The following PGBD5 variants were observed in gnomAD, a reference collection of about 807,000 sequenced individuals.
The protein encoded by PGBD5 is piggyBac transposable element derived 5.
In PGBD5, 14 loss-of-function variants were observed where a neutral mutation model predicts 47.9. The observed-to-expected ratio is 0.29, with a 90% CI of 0.19 to 0.46. The LOEUF is 0.46. PGBD5 is among the 20% of genes least tolerant of loss of function. The pLI is 1.00. For missense variants in PGBD5, 635 were observed against 716.0 expected, an observed-to-expected ratio of 0.89 and a Z score of 1.29; for synonymous variants, 316 against 306.3, an observed-to-expected ratio of 1.03 and a Z score of -0.33.
At chr1:230,394,681 C>T (rs1045778825) in intron 1 of PGBD5, among the ~76,000 whole-genome samples, 2 of 140,266 alleles carry the variant, frequency 1.4e-5, no homozygotes, top group South Asian at 2.4e-4. Context: ...CTCATTCCCA[C>T]CTTCCTCCCT....
chr1:230,367,920 A>C (rs1389151494), intron 1 of PGBD5: 1 of 1,350,544 alleles, frequency 7.4e-7, no homozygotes, highest in South Asian at 1.2e-5. Flanking sequence ...CTCGGGGAAG[A>C]GAACTTGCTC....
intron 1 of PGBD5, among the ~76,000 whole-genome samples, chr1:230,371,983 A>T (rs1376971713): frequency 6.6e-6 from 1 of 152,186 alleles, no homozygotes; most frequent in Non-Finnish European, 1.5e-5. Flanking sequence ...GGGGATGGGA[A>T]TATAAAAGGT....
chr1:230,327,678 C>T (rs1171367669), intron 5 of PGBD5, among the ~76,000 whole-genome samples: 2 of 152,222 alleles, frequency 1.3e-5, no homozygotes, highest in Admixed American at 6.5e-5. Flanking sequence ...GTTCTGCTGT[C>T]GGGAGCCTGC....
chr1:230,348,797 G>A (rs1246003349), intron 3 of PGBD5, among the ~76,000 whole-genome samples: 1 of 119,544 alleles, frequency 8.4e-6, no homozygotes, highest in Non-Finnish European at 1.8e-5. Flanking sequence ...GAGGGACTGC[G>A]GGGGCTGAGA....
intron 1 of PGBD5, among the ~76,000 whole-genome samples, chr1:230,383,367 ATTTTT>A (rs113475166): frequency 6.1e-5 from 9 of 148,730 alleles, no homozygotes. Flanking sequence ...CATGCCCAGC[ATTTTT>A]TTTTTAATTT....
chr1:230,356,887 G>A lies in PGBD5; in HGVS notation c.759+7C>T, dbSNP rs1210478386. On this transcript the variant is annotated splice_region_variant and intron_variant, in intron 2 of 6. Transcript: ENST00000391860. ...GGACAAGCTCTTACGTCCTGCGTGG[G>A]CCTCACCTGGGTTTGGGAAGGCCTG... 9.3e-6 allele frequency: 15 copies of A among 1,611,126 alleles called. No homozygotes were observed. The highest frequency in any genetic ancestry group is 1.3e-5 in the Non-Finnish European group (15 of 1,177,910).
chr1:230,403,543 G>A (rs953215296), intron 1 of PGBD5, among the ~76,000 whole-genome samples: 8 of 152,210 alleles, frequency 5.3e-5, no homozygotes, highest in Non-Finnish European at 8.8e-5. Context: ...TAGAGCCAAA[G>A]GCCTCAGGGG....
Position 230,321,632 on chromosome 1 carries a change from G to A in PGBD5, c.*1793C>T, listed in dbSNP as rs1448811513. 1.3e-5 allele frequency: 2 copies of A among 152,508 alleles called. No homozygotes were observed. The highest frequency in any genetic ancestry group is 4.1e-4 in the South Asian group (2 of 4,820). 9.4% of individuals were successfully genotyped at this position (152,508 alleles called of 1,614,324 possible). ...TCCCTGACCTTTTAAACGAATTCACGTATTAACGGAGAATCAACATCTAAA... is the reference window on the plus strand; with the variant it reads ...TCCCTGACCTTTTAAACGAATTCACATATTAACGGAGAATCAACATCTAAA... On this transcript the variant is annotated 3_prime_UTR_variant, in exon 7 of 7. Coordinates refer to ENST00000391860, the MANE Select transcript of PGBD5 (RefSeq NM_001258311.2).
rs560836653 is a variant in PGBD5 at position 230,344,177 on chromosome 1, C to T, written c.894+6781G>A. Among the ~76,000 whole-genome samples, 32 of 150,374 alleles carry T rather than the reference C, an allele frequency of 2.1e-4. No homozygotes were observed. The South Asian group carries it at 3.9e-3, about 19-fold the overall frequency. ...GCGGGCACCTGTAGTCCCAGCTACT[C>T]GGGAGGCTGAGGCAGGAGAATGGTG... On this transcript the variant is annotated intron_variant, in intron 3 of 6. Transcript: ENST00000391860.
intron 1 of PGBD5, among the ~76,000 whole-genome samples, chr1:230,388,811 T>G (rs911488159): frequency 9.2e-5 from 14 of 152,084 alleles, no homozygotes; most frequent in African/African-American, 2.4e-4. Flanking sequence ...CCTCTCAGGG[T>G]GGCCATGACC....
chr1:230,406,327 A>G (rs977646250), intron 1 of PGBD5, among the ~76,000 whole-genome samples: 1 of 151,528 alleles, frequency 6.6e-6, no homozygotes, highest in Non-Finnish European at 1.5e-5. Flanking sequence ...AAAAAAAAAA[A>G]AAAAAAAGAA....
chr1:230,319,480 G>A lies in PGBD5; in HGVS notation c.*3945C>T, dbSNP rs1475415544. On this transcript the variant is annotated 3_prime_UTR_variant, in exon 7 of 7. Coordinates refer to ENST00000391860, the MANE Select transcript of PGBD5 (RefSeq NM_001258311.2). ...GAGGAGAATGTGTGAGGCTTGCGTA[G>A]TTGCAAGGCCCCATGGCCCTCCCGG... 1 of 152,100 alleles carries A rather than the reference G, an allele frequency of 6.6e-6. No individual in the cohort carries two copies. The highest frequency in any genetic ancestry group is 1.5e-5 in the Non-Finnish European group (1 of 68,026). The allele number at this position is 152,100 out of a possible 1,614,324, so 9.4% of individuals were successfully genotyped here. A position where few individuals can be genotyped will look rare whatever the true frequency, so the allele number is the denominator to read the frequency against.
intron 1 of PGBD5, among the ~76,000 whole-genome samples, chr1:230,369,161 T>A (rs568562494): frequency 9.0e-4 from 137 of 152,340 alleles, no homozygotes; most frequent in Non-Finnish European, 1.6e-3. Context: ...TGAAAATGTA[T>A]GTGTCACATC....
rs1667058210 is a variant in PGBD5 at position 230,322,960 on chromosome 1, C to G, written c.*465G>C. On this transcript the variant is annotated 3_prime_UTR_variant, in exon 7 of 7. Transcript: ENST00000391860. This position sits in a 1 kb window ranked among gnomAD's most constrained non-coding sequence, Gnocchi z 5.9. ...ATGCTGGAAAACCCTCCGGCCTCCC[C>G]TGACACCTGAGCCATTGTAACCATG... The G allele has an allele frequency of 6.2e-6, 1 of 162,424 alleles. No individual in the cohort carries two copies. The allele number at this position is 162,424 out of a possible 1,614,324, so 10.1% of individuals were successfully genotyped here.
At chr1:230,386,585 G>A (rs544464247) in intron 1 of PGBD5, among the ~76,000 whole-genome samples, 89 of 152,302 alleles carry the variant, frequency 5.8e-4, no homozygotes, top group African/African-American at 2.1e-3. Flanking sequence ...TTGACAGTTT[G>A]ATAGAAATAA....
At chr1:230,384,456 G>A (rs1656587797) in intron 1 of PGBD5, among the ~76,000 whole-genome samples, 1 of 152,158 alleles carries the variant, frequency 6.6e-6, no homozygotes, top group African/African-American at 2.4e-5. Flanking sequence ...GGCATGTGAA[G>A]CTGAACGAGG....
At chr1:230,334,606 G>GC (rs781681972) in intron 4 of PGBD5, among the ~76,000 whole-genome samples, 1 of 55,800 alleles carries the variant, frequency 1.8e-5, no homozygotes, top group Non-Finnish European at 5.4e-5. Flanking sequence ...CCCCCAGGGT[G>GC]GGGGGACAGT....
intron 4 of PGBD5, among the ~76,000 whole-genome samples, chr1:230,334,463 C>G (rs1367229143): frequency 6.6e-6 from 1 of 152,246 alleles, no homozygotes; most frequent in Non-Finnish European, 1.5e-5. Flanking sequence ...TTCCATGAAT[C>G]TATCCCTTTA....
intron 5 of PGBD5, among the ~76,000 whole-genome samples, chr1:230,326,447 A>C (rs1457651571): frequency 6.6e-6 from 1 of 152,106 alleles, no homozygotes; most frequent in East Asian, 1.9e-4. Flanking sequence ...AAAAAAGCAA[A>C]AGGGTGGAAT....
Sources: allele counts gnomAD v4.1 joint callset (sites outside exome capture counted in the v4.1 genomes callset), GRCh38; gene constraint gnomAD v4.1.1; non-coding constraint Gnocchi (gnomAD v3.1); transcripts MANE v1.5; gene names NCBI Gene and HGNC (gene_info 2026-07-23, HGNC 2026-07-21).